The following SYN2 variants were observed in gnomAD, a reference collection of about 807,000 sequenced individuals.
SYN2 encodes synapsin-2.
Under a neutral mutation model 50.9 loss-of-function variants are expected in SYN2, and 19 were observed. The observed-to-expected ratio is 0.37, with a 90% confidence interval of 0.26 to 0.55. SYN2 has a LOEUF of 0.55. Ranked by LOEUF, SYN2 falls within the 20% of genes least tolerant of loss-of-function variation. SYN2 has a pLI of 0.81. For missense variants in SYN2, 587 were observed against 576.4 expected, an observed-to-expected ratio of 1.02 and a Z score of -0.19; for synonymous variants, 255 against 224.9, an observed-to-expected ratio of 1.13 and a Z score of -1.20.
intron 1 of SYN2, among the ~76,000 whole-genome samples, chr3:12,052,775 G>GA (rs952319648): frequency 4.6e-5 from 7 of 151,920 alleles, no homozygotes; most frequent in African/African-American, 1.7e-4. Flanking sequence ...GAGAAAAACA[G>GA]TTTTTTTTAG....
chr3:12,069,635 A>T (rs756283335), intron 1 of SYN2, among the ~76,000 whole-genome samples: 4 of 152,070 alleles, frequency 2.6e-5, no homozygotes, highest in Non-Finnish European at 5.9e-5. Flanking sequence ...GTTTTGAGGA[A>T]CTGCCAAACT....
chr3:12,056,375 G>C (rs551688685), intron 1 of SYN2, among the ~76,000 whole-genome samples: 50 of 151,730 alleles, frequency 3.3e-4, no homozygotes, highest in African/African-American at 1.1e-3. Flanking sequence ...GGATACATGA[G>C]TGTTTGCCTT....
At chr3:12,104,921 G>A (rs1287198614) in intron 1 of SYN2, among the ~76,000 whole-genome samples, 1 of 152,212 alleles carries the variant, frequency 6.6e-6, no homozygotes, top group Non-Finnish European at 1.5e-5. Flanking sequence ...AGAGGGAAGA[G>A]ATGGTGGTGA....
At chr3:12,174,019 A>G (rs1268363899) in intron 10 of SYN2, among the ~76,000 whole-genome samples, 1 of 151,828 alleles carries the variant, frequency 6.6e-6, no homozygotes, top group African/African-American at 2.4e-5. Context: ...TCTAAACACT[A>G]TTTTCTAGGC....
In SYN2 at chr3:12,004,751, C is replaced by CCGCA. The variant is rs1157311176; in HGVS notation, c.200_201insCGCA (p.Pro68AlafsTer74). On this transcript the variant is annotated frameshift_variant, in exon 1 of 13. Transcript: ENST00000621198. LOFTEE classifies it high-confidence loss of function. ...GAGCGGAGGCCGCCGCCCGCCTCGG[C>CCGCA]GCCCGCGCCGCAGCCCGCGCCGACG... 5 of 306,652 alleles carry CCGCA rather than the reference C, an allele frequency of 1.6e-5. No individual in the cohort carries two copies. Among genetic ancestry groups the CCGCA allele is most frequent in the East Asian group, 9.9e-5 (2 of 20,276 alleles). 19.0% of individuals were successfully genotyped at this position (306,652 alleles called of 1,614,324 possible).
chr3:12,033,425 C>T (rs972937959), intron 1 of SYN2, among the ~76,000 whole-genome samples: 6 of 152,156 alleles, frequency 3.9e-5, no homozygotes, highest in Admixed American at 3.9e-4. Context: ...TGTGCTGTGA[C>T]CAGTGGTAAG....
chr3:12,017,128 G>C (rs1338634096), intron 1 of SYN2, among the ~76,000 whole-genome samples: 1 of 152,088 alleles, frequency 6.6e-6, no homozygotes, highest in Non-Finnish European at 1.5e-5. Flanking sequence ...GTAAGAGAAA[G>C]AGCCAAAGCA....
intron 11 of SYN2, chr3:12,183,870 C>T: frequency 9.8e-7 from 1 of 1,021,136 alleles, no homozygotes; most frequent in Non-Finnish European, 1.2e-6. Context: ...CAGTTAAATC[C>T]CCCACCTCCA....
At chr3:12,083,349 T>G (rs910027285) in intron 1 of SYN2, among the ~76,000 whole-genome samples, 1 of 152,160 alleles carries the variant, frequency 6.6e-6, no homozygotes, top group Non-Finnish European at 1.5e-5. Flanking sequence ...ACAGCTCTAT[T>G]TTTTACCTAG....
intron 1 of SYN2, among the ~76,000 whole-genome samples, chr3:12,013,000 C>G (rs1320955676): frequency 6.6e-6 from 1 of 152,214 alleles, no homozygotes; most frequent in African/African-American, 2.4e-5. Context: ...AATATTGATA[C>G]TGTTCTTGCT....
chr3:12,187,296 T>C, intron 11 of SYN2, 73 bp from the exon 12 acceptor site: 1 of 1,463,602 alleles, frequency 6.8e-7, no homozygotes, highest in South Asian at 1.4e-5. Flanking sequence ...ACCACACCCT[T>C]TGAGGCATAA....
intron 1 of SYN2, among the ~76,000 whole-genome samples, chr3:12,051,960 T>C (rs1400775133): frequency 1.3e-5 from 2 of 152,232 alleles, no homozygotes; most frequent in Non-Finnish European, 2.9e-5. Context: ...TGCCTCTTAG[T>C]TGGCTCCCTG....
At chr3:12,157,317 C>G in intron 5 of SYN2, 3 of 1,490,556 alleles carry the variant, frequency 2.0e-6, no homozygotes, top group Non-Finnish European at 2.8e-6. Flanking sequence ...TACCAGCCCT[C>G]CCAGAACACA....
At chr3:12,077,399 C>T (rs893461616) in intron 1 of SYN2, among the ~76,000 whole-genome samples, 7 of 152,012 alleles carry the variant, frequency 4.6e-5, no homozygotes, top group African/African-American at 1.7e-4. Flanking sequence ...TGGTAGTTTG[C>T]CGCACCTATC....
intron 1 of SYN2, among the ~76,000 whole-genome samples, chr3:12,067,032 ACT>A (rs1244736721): frequency 6.6e-6 from 1 of 152,052 alleles, no homozygotes; most frequent in African/African-American, 2.4e-5. Context: ...ATGAGAACTC[ACT>A]CTCACAAGAA....
intron 1 of SYN2, among the ~76,000 whole-genome samples, chr3:12,034,533 T>G (rs971913178): frequency 6.6e-6 from 1 of 152,180 alleles, no homozygotes; most frequent in Admixed American, 6.5e-5. Flanking sequence ...CTCACAGTTG[T>G]GGAGGCTAGG....
At chr3:12,067,098 C>A (rs1456341540) in intron 1 of SYN2, among the ~76,000 whole-genome samples, 1 of 152,116 alleles carries the variant, frequency 6.6e-6, no homozygotes, top group Non-Finnish European at 1.5e-5. Flanking sequence ...GGGTCCCTCC[C>A]ACGACATGTG....
intron 1 of SYN2, among the ~76,000 whole-genome samples, chr3:12,125,473 C>T (rs1235458149): frequency 6.6e-6 from 1 of 152,202 alleles, no homozygotes; most frequent in African/African-American, 2.4e-5. Context: ...CAGAAAGCTA[C>T]ACTCAATAAA....
intron 10 of SYN2, among the ~76,000 whole-genome samples, chr3:12,173,377 AC>A (rs2125246497): frequency 6.6e-6 from 1 of 152,108 alleles, no homozygotes; most frequent in East Asian, 1.9e-4. Flanking sequence ...TATCACATCC[AC>A]CCACTTATCT....
Sources: gnomAD v4.1 joint callset for allele counts (sites outside exome capture counted in the v4.1 genomes callset) on GRCh38, gnomAD v4.1.1 for gene constraint, MANE v1.5 for transcripts, NCBI Gene and HGNC (gene_info 2026-07-23, HGNC 2026-07-21) for gene names.